CITED1: variants seen among roughly 807,000 people sequenced by gnomAD.
CITED1 encodes cbp/p300-interacting transactivator 1.
Under a neutral mutation model 8.5 loss-of-function variants are expected in CITED1, and 3 were observed. That is an observed-to-expected ratio of 0.35 (90% CI 0.16 to 0.91). The LOEUF is 0.91. Ranked by LOEUF, CITED1 falls within the 40% of genes least tolerant of loss-of-function variation. The pLI is 0.46. For missense variants in CITED1, 113 were observed against 154.8 expected (o/e 0.73, Z 1.43); for synonymous variants, 54 against 67.4 (o/e 0.80, Z 0.97).
At chrX:72,304,027 C>A (rs1342656007) in intron 1 of CITED1, 14 of 306,963 alleles carry the variant, frequency 4.6e-5, no homozygotes, top group African/African-American at 4.0e-4. Flanking sequence ...CCAGGCTGGG[C>A]AACATAGCGG....
upstream of CITED1, chrX:72,306,403 C>T (rs1468310279): frequency 9.0e-6 from 1 of 111,567 alleles, no homozygotes; most frequent in Non-Finnish European, 1.9e-5. Flanking sequence ...CGGCCGCCCA[C>T]TCCCCATACC....
intron 2 of CITED1, 110 bp downstream of exon 2, chrX:72,302,700 G>A (rs1302494021): frequency 3.0e-6 from 2 of 677,816 alleles, no homozygotes; most frequent in Non-Finnish European, 4.5e-6. Context: ...AGATAGTCCT[G>A]TTGTCTCCTC....
intron 1 of CITED1, 91 bp from the exon 2 acceptor site, chrX:72,303,025 G>C (rs1214965318): frequency 9.6e-7 from 1 of 1,042,784 alleles, no homozygotes; most frequent in Non-Finnish European, 1.3e-6. Context: ...ATGCCACGCA[G>C]CTATGAGGCA....
intron 1 of CITED1, among the ~76,000 whole-genome samples, chrX:72,303,339 C>G (rs1366500045): frequency 8.9e-6 from 1 of 112,561 alleles, no homozygotes; most frequent in East Asian, 2.8e-4. Flanking sequence ...GTTGGGGCCT[C>G]CACTGGGACT....
intron 1 of CITED1, chrX:72,305,301 C>A: frequency 8.6e-7 from 1 of 1,166,529 alleles, no homozygotes; most frequent in Non-Finnish European, 1.1e-6. Context: ...ATGGCACCAA[C>A]CGGATGGTTC....
intron 1 of CITED1, 97 bp downstream of exon 1, chrX:72,305,728 C>G (rs2043331826): frequency 6.9e-6 from 1 of 144,123 alleles, no homozygotes; most frequent in African/African-American, 3.2e-5. Context: ...GACGCGGCAG[C>G]AGGCTGAGCC....
At chrX:72,303,043 T>C in intron 1 of CITED1, 109 bp from the exon 2 acceptor site, 1 of 965,381 alleles carries the variant, frequency 1.0e-6, no homozygotes. Flanking sequence ...GCAAGGATGG[T>C]GACTGAGTTA....
At chrX:72,303,135 G>C (rs1160688417) in intron 1 of CITED1, among the ~76,000 whole-genome samples, 1 of 113,215 alleles carries the variant, frequency 8.8e-6, no homozygotes, top group African/African-American at 3.2e-5. Flanking sequence ...TGCTTGATTC[G>C]GCCAGGTACT....
chrX:72,305,162 C>A, intron 1 of CITED1: 1 of 550,069 alleles, frequency 1.8e-6, no homozygotes, highest in Non-Finnish European at 2.8e-6. Context: ...GCCCGCTCTT[C>A]GCTTCAGGCC....
At chrX:72,305,494 G>T in intron 1 of CITED1, 1 of 435,402 alleles carries the variant, frequency 2.3e-6, no homozygotes. Context: ...GCGGAACCGG[G>T]GGCGGCCGGG....
upstream of CITED1, among the ~76,000 whole-genome samples, chrX:72,306,262 T>A (rs2043338188): frequency 9.5e-6 from 1 of 105,437 alleles, no homozygotes; most frequent in South Asian, 4.7e-4. Context: ...CCGGCCCCGC[T>A]GGCCGGCAGG....
chrX:72,301,676 C>T lies in CITED1; in HGVS notation c.*47G>A. ...TTGTAAGTAACTTTATTTTTATTTA[C>T]AACAGAATTGGTGGCTTTATTCCTC... On this transcript the variant is annotated 3_prime_UTR_variant, in exon 3 of 3. Transcript: ENST00000651998. 1 of 1,192,999 alleles carries T rather than the reference C, an allele frequency of 8.4e-7. No homozygotes were observed. Among genetic ancestry groups the T allele is most frequent in the East Asian group, 3.0e-5 (1 of 33,656 alleles).
Position 72,302,212 on chromosome X carries a change from G to A in CITED1, c.93C>T (p.Tyr31=), listed in dbSNP as rs376666121. ...DANQEMSSVA[Y]SNLAVKDRKA... is the part of the protein sequence containing the mutation. ...TGCGATCTTTCACCGCAAGGTTGGAGTAGGCCACGGAGCTCATCTCTTGGT... is the reference window on the plus strand; with the variant it reads ...TGCGATCTTTCACCGCAAGGTTGGAATAGGCCACGGAGCTCATCTCTTGGT... The change falls in exon 3 of 3, where the codon TAC becomes TAT. Residue 31 remains tyrosine, a synonymous_variant. Coordinates refer to ENST00000651998, the MANE Select transcript of CITED1 (RefSeq NM_001144887.2). 2 of 1,205,927 alleles carry A rather than the reference G, an allele frequency of 1.7e-6. No homozygotes were observed. Among genetic ancestry groups the A allele is most frequent in the Non-Finnish European group, 1.1e-6 (1 of 892,770 alleles).
rs374590463 is a variant in CITED1 at position 72,302,821 on chromosome X, G to A, written c.49C>T (p.Pro17Ser). The A allele has an allele frequency of 1.5e-5, 18 of 1,208,343 alleles. No homozygotes were observed. The African/African-American group carries it at 2.3e-4, about 15-fold the overall frequency. ...ATGGCAAAAATTACCTCCTTCGCAG[G>A]TGAGGTGCCACCCTTGACATCAAGT... The part of the protein sequence containing the change: ...PALDVKGGTS[P>S]AKEDANQEMS... Residue 17 changes from proline (P) to serine (S), a missense_variant, in exon 2 of 3, where the codon CCT becomes TCT. Physicochemically the swap from Pro to Ser is moderately conservative, Grantham distance 74. Transcript: ENST00000651998.
upstream of CITED1, chrX:72,305,960 C>A (rs2043335259): frequency 9.0e-6 from 1 of 110,938 alleles, no homozygotes; most frequent in African/African-American, 3.3e-5. Flanking sequence ...GGGGTGTGCG[C>A]GTGGGTGTGT....
At chrX:72,306,866 A>G (rs2043346546), upstream of CITED1, 1 of 110,407 alleles carries the variant, frequency 9.1e-6, no homozygotes, top group Admixed American at 9.4e-5. Flanking sequence ...ACACGGCAGC[A>G]GACTGGCCTC....
At position 72,301,673 on chromosome X, in the gene CITED1, T is replaced by G; in HGVS notation, c.*50A>C. ...TCTTTGTAAGTAACTTTATTTTTAT[T>G]TACAACAGAATTGGTGGCTTTATTC... On this transcript the variant is annotated 3_prime_UTR_variant, in exon 3 of 3. Transcript: ENST00000651998. 8.4e-7 allele frequency: 1 copy of G among 1,188,469 alleles called. No individual in the cohort carries two copies. The highest frequency in any genetic ancestry group is 2.3e-5 in the Admixed American group (1 of 43,467).
At chrX:72,306,968 T>A (rs753024630), upstream of CITED1, 2 of 109,338 alleles carry the variant, frequency 1.8e-5, no homozygotes, top group South Asian at 8.3e-4. Context: ...AGGGCATTAT[T>A]AGCACATGTC....
Position 72,301,881 on chromosome X carries a change from C to T in CITED1, c.424G>A (p.Ala142Thr), listed in dbSNP as rs919711050. The change falls in exon 3 of 3, where the codon GCC becomes ACC. Residue 142 changes from alanine to threonine, a missense_variant. Transcript: ENST00000651998. The part of the protein sequence containing the change: ...GAESLSPSAG[A>T]QSPAIIDSDP... ...GAATCGATGATAGCAGGGCTCTGGGCACCAGCAGAAGGAGAGAGTGATTCT... is the reference window on the plus strand; with the variant it reads ...GAATCGATGATAGCAGGGCTCTGGGTACCAGCAGAAGGAGAGAGTGATTCT... 2.5e-6 allele frequency: 3 copies of T among 1,212,208 alleles called. No individual in the cohort carries two copies. Among genetic ancestry groups the T allele is most frequent in the Non-Finnish European group, 3.3e-6 (3 of 895,629 alleles).
Sources: gnomAD v4.1 joint callset for allele counts (sites outside exome capture counted in the v4.1 genomes callset) on GRCh38, gnomAD v4.1.1 for gene constraint, MANE v1.5 for transcripts, NCBI Gene and HGNC (gene_info 2026-07-23, HGNC 2026-07-21) for gene names.